DOK6: variants seen among roughly 807,000 people sequenced by gnomAD.
DOK6 encodes docking protein 6.
In DOK6, 22 loss-of-function variants were observed where a neutral mutation model predicts 44.0. The observed-to-expected ratio is 0.50, with a 90% CI of 0.36 to 0.71. The LOEUF (loss-of-function observed/expected upper bound fraction) is 0.71, where lower values mean the gene tolerates loss of function less well. Among genes scored for constraint, DOK6 ranks in the 30% least tolerant of loss-of-function variants. The pLI is 0.00. For synonymous variants in DOK6, 166 were observed against 145.5 expected, an observed-to-expected ratio of 1.14 and a Z score of -1.01; for missense variants, 340 against 416.4, an observed-to-expected ratio of 0.82 and a Z score of 1.60.
intron 7 of DOK6, among the ~76,000 whole-genome samples, chr18:69,785,996 G>T (rs761060521): frequency 3.6e-4 from 55 of 152,078 alleles, no homozygotes; most frequent in Non-Finnish European, 7.2e-4. Context: ...TTATAGAATT[G>T]GGGAAGTTAT....
At chr18:69,409,600 T>C (rs1038879665) in intron 1 of DOK6, among the ~76,000 whole-genome samples, 4 of 152,236 alleles carry the variant, frequency 2.6e-5, no homozygotes, top group African/African-American at 9.6e-5. Context: ...TAAAATGCTT[T>C]TGTAGAATAC....
At chr18:69,676,758 G>A (rs1370257357) in intron 3 of DOK6, among the ~76,000 whole-genome samples, 1 of 152,160 alleles carries the variant, frequency 6.6e-6, no homozygotes, top group Non-Finnish European at 1.5e-5. Flanking sequence ...TTCCAATTCT[G>A]TTTTGATGCT....
At chr18:69,830,792 C>A (rs957283282) in intron 7 of DOK6, among the ~76,000 whole-genome samples, 2 of 151,986 alleles carry the variant, frequency 1.3e-5, no homozygotes, top group Non-Finnish European at 2.9e-5. Context: ...CTAAAGTGAC[C>A]CATGTGTTTA....
chr18:69,491,147 C>T (rs977126356), intron 1 of DOK6, among the ~76,000 whole-genome samples: 1 of 152,020 alleles, frequency 6.6e-6, no homozygotes, highest in Non-Finnish European at 1.5e-5. Flanking sequence ...ATGGTTTATA[C>T]TAAACATTCA....
chr18:69,723,631 AG>A (rs1463319756), intron 5 of DOK6, among the ~76,000 whole-genome samples: 1 of 152,238 alleles, frequency 6.6e-6, no homozygotes, highest in Non-Finnish European at 1.5e-5. Context: ...ATATTTGCAA[AG>A]GAGCATGTTT....
At chr18:69,428,821 G>T (rs1978716217) in intron 1 of DOK6, among the ~76,000 whole-genome samples, 1 of 152,230 alleles carries the variant, frequency 6.6e-6, no homozygotes, top group Non-Finnish European at 1.5e-5. Flanking sequence ...CTCCTAGAGT[G>T]TCAGTGTGGT....
Position 69,437,854 on chromosome 18 carries a change from A to C in DOK6, c.66+36544A>C, listed in dbSNP as rs560731199. On this transcript the variant is annotated intron_variant, in intron 1 of 7. Coordinates refer to ENST00000382713, the MANE Select transcript of DOK6 (RefSeq NM_152721.6). ...AGTAAAGCAAATATCAAAAAGAGTC[A>C]AACAAATTTGGAGGTTTTCTGGTGC... Among the ~76,000 whole-genome samples the C allele has an allele frequency of 1.6e-4, 24 of 152,312 alleles. No homozygotes were observed. In the Middle Eastern group the frequency reaches 0.01, roughly 65 times the overall value.
chr18:69,652,413 G>GA (rs1985253265), intron 3 of DOK6, among the ~76,000 whole-genome samples: 1 of 152,148 alleles, frequency 6.6e-6, no homozygotes, highest in Non-Finnish European at 1.5e-5. Context: ...AGTGTGATGG[G>GA]AAAATCCCAG....
At position 69,688,908 on chromosome 18, in the gene DOK6, GCA is replaced by G. The variant is rs1457144080; in HGVS notation, c.410-9492_410-9491del. Among the ~76,000 whole-genome samples the G allele has an allele frequency of 7.2e-5, 11 of 152,260 alleles. 1 individual carries two copies. The highest frequency in any genetic ancestry group is 2.6e-4 in the African/African-American group (11 of 41,538). On this transcript the variant is annotated intron_variant, in intron 4 of 7. Coordinates refer to ENST00000382713, the MANE Select transcript of DOK6 (RefSeq NM_152721.6). ...TGAAATGATGAACCTGAACCCCTAT[GCA>G]CACCACAGTTAAACATCAATTTAAG... is the stretch of plus-strand genomic sequence containing the variant.
At chr18:69,490,645 A>C (rs1030955053) in intron 1 of DOK6, among the ~76,000 whole-genome samples, 1 of 152,204 alleles carries the variant, frequency 6.6e-6, no homozygotes, top group Non-Finnish European at 1.5e-5. Flanking sequence ...TCTACATACT[A>C]ATATAATAAT....
chr18:69,493,571 G>A (rs915731728), intron 1 of DOK6, among the ~76,000 whole-genome samples: 2 of 152,018 alleles, frequency 1.3e-5, no homozygotes, highest in African/African-American at 4.8e-5. Context: ...CACTAGACAA[G>A]GCAACTAAGG....
intron 2 of DOK6, among the ~76,000 whole-genome samples, chr18:69,596,030 A>G (rs1044171685): frequency 1.3e-5 from 2 of 152,180 alleles, no homozygotes; most frequent in Admixed American, 6.6e-5. Context: ...ACTATACAAA[A>G]GCACAGAGGT....
At chr18:69,835,016 A>G (rs1982004027) in intron 7 of DOK6, among the ~76,000 whole-genome samples, 1 of 152,180 alleles carries the variant, frequency 6.6e-6, no homozygotes, top group South Asian at 2.1e-4. Flanking sequence ...AAACCATTAG[A>G]TCTCGTGAGA....
intron 1 of DOK6, among the ~76,000 whole-genome samples, chr18:69,468,744 CTT>C (rs201702128): frequency 0.071 from 10,815 of 152,082 alleles, 1,191 homozygotes; most frequent in African/African-American, 0.24. Context: ...AGATTTCAAA[CTT>C]AGATTAGGTG....
At chr18:69,596,837 A>T (rs1361210607) in intron 2 of DOK6, among the ~76,000 whole-genome samples, 2 of 152,158 alleles carry the variant, frequency 1.3e-5, no homozygotes, top group Admixed American at 1.3e-4. Context: ...ATACGTATAT[A>T]ATGTACTTTT....
intron 1 of DOK6, among the ~76,000 whole-genome samples, chr18:69,420,306 T>C (rs1488954728): frequency 1.3e-5 from 2 of 152,094 alleles, no homozygotes; most frequent in African/African-American, 2.4e-5. Flanking sequence ...TAAAATTTAA[T>C]GCAAAATTTC....
intron 1 of DOK6, among the ~76,000 whole-genome samples, chr18:69,452,110 C>T (rs1192060246): frequency 1.3e-5 from 2 of 151,780 alleles, no homozygotes; most frequent in Non-Finnish European, 2.9e-5. Flanking sequence ...TTCAAAAAAT[C>T]AATGAATCCA....
At chr18:69,712,938 A>T (rs1218368424) in intron 5 of DOK6, among the ~76,000 whole-genome samples, 2 of 152,202 alleles carry the variant, frequency 1.3e-5, no homozygotes, top group African/African-American at 4.8e-5. Context: ...TCCTGATTTG[A>T]TTACATAGGT....
chr18:69,442,122 C>T (rs1017198411), intron 1 of DOK6, among the ~76,000 whole-genome samples: 3 of 151,516 alleles, frequency 2.0e-5, no homozygotes, highest in Non-Finnish European at 3.0e-5. Flanking sequence ...TTTAAATTCA[C>T]CATTAATGTT....
Sources: allele counts gnomAD v4.1 joint callset (sites outside exome capture counted in the v4.1 genomes callset), GRCh38; gene constraint gnomAD v4.1.1; transcripts MANE v1.5; gene names NCBI Gene and HGNC (gene_info 2026-07-23, HGNC 2026-07-21).